The following ZNF407 variants were observed in gnomAD, a reference collection of about 807,000 sequenced individuals.
The protein encoded by ZNF407 is zinc finger protein 407.
In ZNF407, 17 loss-of-function variants were observed where a neutral mutation model predicts 131.2. The observed-to-expected ratio is 0.13, with a 90% CI of 0.09 to 0.19. The LOEUF (loss-of-function observed/expected upper bound fraction) is 0.19, where lower values mean the gene tolerates loss of function less well. Among genes scored for constraint, ZNF407 ranks in the 10% least tolerant of loss-of-function variants. ZNF407 has a pLI of 1.00. For synonymous variants in ZNF407, 1,156 were observed against 1,062.0 expected (o/e 1.09, Z -1.72); for missense variants, 2,681 against 2,830.6 (o/e 0.95, Z 1.20).
intron 6 of ZNF407, among the ~76,000 whole-genome samples, chr18:74,885,482 C>G (rs1022530905): frequency 1.3e-5 from 2 of 152,116 alleles, no homozygotes; most frequent in African/African-American, 2.4e-5. Context: ...TACCGACAAG[C>G]TGATATTAAA....
At chr18:75,033,822 G>A (rs1369135658) in intron 8 of ZNF407, among the ~76,000 whole-genome samples, 1 of 151,632 alleles carries the variant, frequency 6.6e-6, no homozygotes, top group Admixed American at 6.6e-5. Flanking sequence ...GCTTCCCGTG[G>A]GATATATCAT....
At chr18:74,837,800 T>A (rs1970578516) in intron 4 of ZNF407, among the ~76,000 whole-genome samples, 1 of 152,008 alleles carries the variant, frequency 6.6e-6, no homozygotes, top group Admixed American at 6.6e-5. Flanking sequence ...CTTACAGGTA[T>A]CCACCATCAC....
chr18:74,888,407 T>C (rs1245254569), intron 6 of ZNF407, among the ~76,000 whole-genome samples: 1 of 152,150 alleles, frequency 6.6e-6, no homozygotes, highest in African/African-American at 2.4e-5. Flanking sequence ...ATTCAAATTA[T>C]TATAATTTCT....
rs114620812 is a variant in ZNF407 at position 74,914,216 on chromosome 18, G to A, written c.5250-6298G>A. ...AGGCTTCCTGCTCGTCGTGAGGAACGTCTTTCACCTGTGAGGGCCAGGAGA... is the reference window on the plus strand; with the variant it reads ...AGGCTTCCTGCTCGTCGTGAGGAACATCTTTCACCTGTGAGGGCCAGGAGA... On this transcript the variant is annotated intron_variant, in intron 7 of 8. Coordinates refer to ENST00000299687, the MANE Select transcript of ZNF407 (RefSeq NM_017757.3). Among the ~76,000 whole-genome samples the A allele has an allele frequency of 2.7e-3, 404 of 152,302 alleles. 3 individuals carry two copies. Among genetic ancestry groups the A allele is most frequent in the African/African-American group, 9.1e-3 (379 of 41,556 alleles).
intron 3 of ZNF407, among the ~76,000 whole-genome samples, chr18:74,697,822 A>G (rs1967394156): frequency 1.3e-5 from 2 of 152,186 alleles, no homozygotes; most frequent in African/African-American, 4.8e-5. Flanking sequence ...CATTTGTTTT[A>G]TGTTAGAATT....
Position 74,776,527 on chromosome 18 carries a change from A to C in ZNF407, c.4803-4901A>C, listed in dbSNP as rs758459535. Among the ~76,000 whole-genome samples, 57 of 152,222 alleles carry C rather than the reference A, an allele frequency of 3.7e-4. 3 individuals are homozygous for C. Among genetic ancestry groups the C allele is most frequent in the Non-Finnish European group, 8.8e-5 (6 of 68,040 alleles). ...CTAATCAGCACACACATGACTGAGAAGTCTACAGAACTTCACTTTTTAAAC... is the reference window on the plus strand; with the variant it reads ...CTAATCAGCACACACATGACTGAGACGTCTACAGAACTTCACTTTTTAAAC... On this transcript the variant is annotated intron_variant, in intron 3 of 8. Transcript: ENST00000299687.
At chr18:74,873,787 C>T (rs139168093) in intron 4 of ZNF407, among the ~76,000 whole-genome samples, 19 of 152,122 alleles carry the variant, frequency 1.2e-4, no homozygotes, top group African/African-American at 3.9e-4. Context: ...GGCATAGCTA[C>T]GTGCATGAGA....
At chr18:74,768,441 C>T (rs1457489094) in intron 3 of ZNF407, among the ~76,000 whole-genome samples, 2 of 152,158 alleles carry the variant, frequency 1.3e-5, no homozygotes, top group African/African-American at 4.8e-5. Flanking sequence ...GTGGAAATCC[C>T]TTTTTTGGTG....
chr18:74,668,305 C>T (rs1986009735), intron 3 of ZNF407, among the ~76,000 whole-genome samples: 1 of 152,112 alleles, frequency 6.6e-6, no homozygotes, highest in Non-Finnish European at 1.5e-5. Context: ...GACTTGTGTC[C>T]TATTTCCAAG....
chr18:74,699,591 GGATGAGGC>G (rs1359387149), intron 3 of ZNF407, among the ~76,000 whole-genome samples: 1 of 152,120 alleles, frequency 6.6e-6, no homozygotes. Flanking sequence ...AGGTACACAA[GGATGAGGC>G]GAGCTACTCC....
chr18:75,053,821 G>T (rs1008451275), intron 8 of ZNF407, among the ~76,000 whole-genome samples: 4 of 152,236 alleles, frequency 2.6e-5, no homozygotes, highest in Admixed American at 1.3e-4. Context: ...CATCCAGGTA[G>T]ATCCAAGGAA....
At chr18:74,636,283 C>G (rs143422082) in intron 2 of ZNF407, among the ~76,000 whole-genome samples, 2 of 152,232 alleles carry the variant, frequency 1.3e-5, no homozygotes, top group East Asian at 3.9e-4. Context: ...AGTCTCTGTG[C>G]TCTGTCACAG....
chr18:74,715,034 C>T (rs1028290760), intron 3 of ZNF407, among the ~76,000 whole-genome samples: 31 of 152,216 alleles, frequency 2.0e-4, no homozygotes, highest in African/African-American at 7.0e-4. Context: ...TCTGCCTGGA[C>T]TGTCTACAGT....
At chr18:74,823,780 A>G (rs1191163780) in intron 4 of ZNF407, among the ~76,000 whole-genome samples, 1 of 152,218 alleles carries the variant, frequency 6.6e-6, no homozygotes, top group African/African-American at 2.4e-5. Flanking sequence ...TTATCACCCC[A>G]CTGTCAATAT....
intron 8 of ZNF407, among the ~76,000 whole-genome samples, chr18:74,928,775 C>CGGCCTTCCCTTCAGG (rs1971945347): frequency 6.6e-6 from 1 of 152,080 alleles, no homozygotes; most frequent in East Asian, 1.9e-4. Context: ...CCTGTCCCTC[C>CGGCCTTCCCTTCAGG]GGCCTTCCCT....
At chr18:74,944,776 A>T (rs901146444) in intron 8 of ZNF407, among the ~76,000 whole-genome samples, 1 of 152,256 alleles carries the variant, frequency 6.6e-6, no homozygotes, top group Non-Finnish European at 1.5e-5. Context: ...TATAATTAGC[A>T]GAGAAGGGGG....
intron 3 of ZNF407, among the ~76,000 whole-genome samples, chr18:74,680,416 AT>A (rs1180992675): frequency 6.6e-6 from 1 of 150,832 alleles, no homozygotes; most frequent in Non-Finnish European, 1.5e-5. Context: ...AAAAAAAAAA[AT>A]AGAACCCCCA....
chr18:75,057,307 C>A (rs1308946589), intron 8 of ZNF407, among the ~76,000 whole-genome samples: 3 of 152,188 alleles, frequency 2.0e-5, no homozygotes, highest in Non-Finnish European at 4.4e-5. Flanking sequence ...AGGCATCTCA[C>A]CCCACGACAC....
chr18:74,608,904 G>A (rs917862441), intron 1 of ZNF407, among the ~76,000 whole-genome samples: 2 of 152,112 alleles, frequency 1.3e-5, no homozygotes, highest in African/African-American at 4.8e-5. Flanking sequence ...AGGTGATGAC[G>A]TGTCAGGTTT....
Sources: allele counts gnomAD v4.1 joint callset (sites outside exome capture counted in the v4.1 genomes callset), GRCh38; gene constraint gnomAD v4.1.1; transcripts MANE v1.5; gene names NCBI Gene and HGNC (gene_info 2026-07-23, HGNC 2026-07-21).